The following IFT43 variants were observed in gnomAD, a reference collection of about 807,000 sequenced individuals.
The protein encoded by IFT43 is intraflagellar transport 43, also known as intraflagellar transport protein 43 homolog.
In IFT43, 33 loss-of-function variants were observed where a neutral mutation model predicts 32.3. That is an observed-to-expected ratio of 1.02 (90% CI 0.77 to 1.37). The LOEUF (loss-of-function observed/expected upper bound fraction) is 1.37, where lower values mean the gene tolerates loss of function less well. Among genes scored for constraint, IFT43 ranks in the 40% most tolerant of loss-of-function variants. The pLI, the probability that IFT43 is intolerant of heterozygous loss-of-function variation, is 0.00. For synonymous variants in IFT43, 93 were observed against 98.2 expected, an observed-to-expected ratio of 0.95 and a Z score of 0.31; for missense variants, 274 against 265.9, an observed-to-expected ratio of 1.03 and a Z score of -0.21.
At chr14:76,045,901 G>T (rs1402964707) in intron 3 of IFT43, among the ~76,000 whole-genome samples, 4 of 152,204 alleles carry the variant, frequency 2.6e-5, no homozygotes, top group African/African-American at 4.8e-5. Flanking sequence ...TTTGAATCAA[G>T]ATGGGAGAGA....
chr14:76,002,089 A>C (rs1259630672), intron 2 of IFT43, among the ~76,000 whole-genome samples: 4 of 152,118 alleles, frequency 2.6e-5, no homozygotes, highest in African/African-American at 9.7e-5. Flanking sequence ...CTCTACTAAA[A>C]ATACAAAATT....
At chr14:76,055,036 T>C (rs2036984571) in intron 3 of IFT43, among the ~76,000 whole-genome samples, 1 of 152,228 alleles carries the variant, frequency 6.6e-6, no homozygotes, top group Non-Finnish European at 1.5e-5. Context: ...TTTTAACCTG[T>C]CACCAGTAGT....
At chr14:76,012,858 G>A (rs1382123474) in intron 2 of IFT43, among the ~76,000 whole-genome samples, 1 of 152,224 alleles carries the variant, frequency 6.6e-6, no homozygotes, top group East Asian at 1.9e-4. Flanking sequence ...TTGGGGCTGT[G>A]CCTCTGAATT....
chr14:76,010,390 G>A (rs2036061085), intron 2 of IFT43, among the ~76,000 whole-genome samples: 1 of 152,008 alleles, frequency 6.6e-6, no homozygotes, highest in Non-Finnish European at 1.5e-5. Flanking sequence ...TACCAACCCT[G>A]CCTTTTTTCT....
intron 3 of IFT43, among the ~76,000 whole-genome samples, chr14:76,047,876 G>C (rs1957917251): frequency 6.6e-6 from 1 of 152,078 alleles, no homozygotes; most frequent in South Asian, 2.1e-4. Flanking sequence ...ATGGGGAACA[G>C]ATGTGGGTGG....
intron 3 of IFT43, among the ~76,000 whole-genome samples, chr14:76,046,504 A>G (rs1297048546): frequency 6.6e-6 from 1 of 152,152 alleles, no homozygotes; most frequent in African/African-American, 2.4e-5. Flanking sequence ...GCCAGCACCC[A>G]TCTCAGGGTG....
rs749711311 is a variant in IFT43 at position 75,988,977 on chromosome 14, G to A, written c.147G>A (p.Glu49=). ...GKNSSLTLTG[E]TSSAKLPRCR... ...ATTCCTCTTTGACTCTGACTGGAGA[G>A]GTGGGTGCTAAAAAAAAAGAAAATC... The change falls in exon 2 of 9, where the codon GAG becomes GAA. Residue 49 remains glutamate, a splice_region_variant and synonymous_variant. Transcript: ENST00000314067. 1.2e-6 allele frequency: 2 copies of A among 1,613,822 alleles called. No individual in the cohort carries two copies. The highest frequency in any genetic ancestry group is 1.3e-5 in the African/African-American group (1 of 75,004).
At chr14:76,075,675 A>G (rs571231829) in intron 5 of IFT43, among the ~76,000 whole-genome samples, 1 of 152,346 alleles carries the variant, frequency 6.6e-6, no homozygotes, top group East Asian at 1.9e-4. Context: ...GTGTCGCAGC[A>G]GCTCATGAAT....
intron 4 of IFT43, 28 bp from the exon 5 acceptor site, chr14:76,059,299 C>T (rs759789562): frequency 5.1e-5 from 82 of 1,613,814 alleles, no homozygotes; most frequent in Non-Finnish European, 7.0e-5. Context: ...TCATTTTTTG[C>T]TGTCCTTTTC....
chr14:76,071,742 T>G (rs947030830), intron 5 of IFT43, among the ~76,000 whole-genome samples: 1 of 152,218 alleles, frequency 6.6e-6, no homozygotes, highest in Non-Finnish European at 1.5e-5. Context: ...TATAATTTAA[T>G]TATAAGAATG....
intron 2 of IFT43, among the ~76,000 whole-genome samples, chr14:75,999,281 A>ATTTTTTTTT (rs371670856): frequency 9.5e-4 from 37 of 39,046 alleles, no homozygotes; most frequent in Admixed American, 7.0e-3. Context: ...ATGTATATAT[A>ATTTTTTTTT]TTTTTTTTTT....
chr14:76,036,106 C>G lies in IFT43; in HGVS notation c.215+13712C>G, dbSNP rs1438921179. Among the ~76,000 whole-genome samples, 3 of 152,138 alleles carry G rather than the reference C, an allele frequency of 2.0e-5. No homozygotes were observed. In the South Asian group the frequency reaches 6.2e-4, roughly 32 times the overall value. On this transcript the variant is annotated intron_variant, in intron 3 of 8. Coordinates refer to ENST00000314067, the MANE Select transcript of IFT43 (RefSeq NM_001102564.3). ...GATTCCCTTCCTCATACCTTTCCTG[C>G]TGCTGCTGGAGATAATTTTTATTAA...
At chr14:76,057,637 G>A (rs1234657246) in intron 3 of IFT43, among the ~76,000 whole-genome samples, 1 of 151,950 alleles carries the variant, frequency 6.6e-6, no homozygotes, top group Non-Finnish European at 1.5e-5. Context: ...TTGGCTCCTC[G>A]AAACCAATTC....
chr14:76,082,338 CTT>C lies in IFT43; in HGVS notation c.341_342del (p.Phe114CysfsTer20). 1 of 1,613,578 alleles carries C rather than the reference CTT, an allele frequency of 6.2e-7. No individual in the cohort carries two copies. Among genetic ancestry groups the C allele is most frequent in the Admixed American group, 1.7e-5 (1 of 60,030 alleles). ...ATCTGGAGGAAGTACAGGAAGAAGA[CTT>C]TGTTTTGCAGGTGGCAGCCCCTCCC... Reference protein sequence around the residue: ...PDLEEVQEEDFVLQVAAPPSI... With the variant: ...PDLEEVQEEDXVLQVAAPPSI... On this transcript the variant is annotated frameshift_variant, in exon 6 of 9. Transcript: ENST00000314067. LOFTEE classifies it high-confidence loss of function.
rs1181797142 is a variant in IFT43, at chr14:76,076,641, A to G, written c.296-5654A>G. The G allele has an allele frequency of 3.1e-6, 5 of 1,614,060 alleles. No homozygotes were observed. The highest frequency in any genetic ancestry group is 2.7e-5 in the African/African-American group (2 of 74,930). On this transcript the variant is annotated intron_variant, in intron 5 of 8. Coordinates refer to ENST00000314067, the MANE Select transcript of IFT43 (RefSeq NM_001102564.3). ...CAACAGCTGGATCTGAACGCATGCT[A>G]TCACAAAACGCATCACAGAGATTTG...
intron 4 of IFT43, chr14:76,059,011 A>G: frequency 1.4e-6 from 2 of 1,425,074 alleles, no homozygotes; most frequent in Non-Finnish European, 1.8e-6. Flanking sequence ...TAAGACTTAT[A>G]TCAGAAAAGA....
intron 3 of IFT43, among the ~76,000 whole-genome samples, chr14:76,041,529 G>A (rs1239968924): frequency 2.6e-5 from 4 of 152,210 alleles, no homozygotes; most frequent in Admixed American, 6.5e-5. Flanking sequence ...GAACTTGGTA[G>A]AAACAGCCCC....
intron 2 of IFT43, among the ~76,000 whole-genome samples, chr14:75,998,028 G>T (rs2035780576): frequency 6.6e-6 from 1 of 152,214 alleles, no homozygotes; most frequent in South Asian, 2.1e-4. Context: ...TGCATGGCCA[G>T]CCTCATTTCA....
intron 3 of IFT43, among the ~76,000 whole-genome samples, chr14:76,028,410 CCTTTTT>C (rs1206089061): frequency 3.9e-5 from 6 of 152,194 alleles, no homozygotes; most frequent in East Asian, 3.9e-4. Context: ...TACTCTCTCT[CCTTTTT>C]CTTTTTCTAT....
Sources: gnomAD v4.1 joint callset for allele counts (sites outside exome capture counted in the v4.1 genomes callset) on GRCh38, gnomAD v4.1.1 for gene constraint, MANE v1.5 for transcripts, NCBI Gene and HGNC (gene_info 2026-07-23, HGNC 2026-07-21) for gene names.